The following SLCO3A1 variants were observed in gnomAD, a reference collection of about 807,000 sequenced individuals.
SLCO3A1 encodes the protein solute carrier organic anion transporter family member 3A1, also known as PGE1 transporter.
In SLCO3A1, 27 loss-of-function variants were observed where a neutral mutation model predicts 63.1. That is an observed-to-expected ratio of 0.43 (90% CI 0.32 to 0.59). The LOEUF (loss-of-function observed/expected upper bound fraction) is 0.59, where lower values mean the gene tolerates loss of function less well. SLCO3A1 is among the 20% of genes least tolerant of loss of function. The pLI is 0.09. For missense variants in SLCO3A1, 773 were observed against 945.8 expected (o/e 0.82, Z 2.40); for synonymous variants, 473 against 409.9 (o/e 1.15, Z -1.86).
chr15:91,991,748 A>G (rs12442193), intron 2 of SLCO3A1, among the ~76,000 whole-genome samples: 29,490 of 152,204 alleles, frequency 0.19, 3,416 homozygotes, highest in East Asian at 0.34. Context: ...CTAAACGCAC[A>G]TCTCAATTTA....
chr15:92,143,469 A>AAT lies in SLCO3A1; in HGVS notation c.1513-3502_1513-3501dup, dbSNP rs1324933371. 1.9e-4 allele frequency among the ~76,000 whole-genome samples: 4 copies of AAT among 21,194 alleles called. 2 individuals carry two copies. Among genetic ancestry groups the AAT allele is most frequent in the African/African-American group, 5.8e-4 (2 of 3,476 alleles). 13.9% of individuals were successfully genotyped at this position (21,194 alleles called of 152,430 possible). A position where few individuals can be genotyped will look rare whatever the true frequency, so the allele number is the denominator to read the frequency against. ...ATATATAATATATATAATATATATA[A>AAT]ATATATATATATATTATATATATGT... On this transcript the variant is annotated intron_variant, in intron 7 of 9. Transcript: ENST00000318445.
rs1898047959 is a variant in SLCO3A1, at chr15:91,897,903, T to C, written c.181-18090T>C. 6.6e-6 allele frequency among the ~76,000 whole-genome samples: 1 copy of C among 152,162 alleles called. No homozygotes were observed. Among genetic ancestry groups the C allele is most frequent in the African/African-American group, 2.4e-5 (1 of 41,450 alleles). ...AACTGCAGGGCAGAGCCAGGCGAAG[T>C]TGAGAACAAGAAGGAATCGCTGCTC... On this transcript the variant is annotated intron_variant, in intron 1 of 9. Coordinates refer to ENST00000318445, the MANE Select transcript of SLCO3A1 (RefSeq NM_013272.4). This position sits in a 1 kb window ranked among gnomAD's most constrained non-coding sequence, Gnocchi z 4.7.
chr15:92,093,421 A>G (rs1207460546), intron 2 of SLCO3A1, among the ~76,000 whole-genome samples: 1 of 152,210 alleles, frequency 6.6e-6, no homozygotes, highest in Non-Finnish European at 1.5e-5. Context: ...GTGCTGAGCC[A>G]TTCATAAGGG....
intron 2 of SLCO3A1, among the ~76,000 whole-genome samples, chr15:92,054,380 G>A (rs1182553362): frequency 6.6e-6 from 1 of 152,222 alleles, no homozygotes; most frequent in African/African-American, 2.4e-5. Context: ...TAGCACCACA[G>A]TGAATCTTTA....
Position 92,164,764 on chromosome 15 carries a change from T to C in SLCO3A1, c.*1629T>C, listed in dbSNP as rs78641225. 6.1e-6 allele frequency: 6 copies of C among 985,290 alleles called. No homozygotes were observed. The highest frequency in any genetic ancestry group is 4.8e-6 in the Non-Finnish European group (4 of 829,952). 61.0% of individuals were successfully genotyped at this position (985,290 alleles called of 1,614,324 possible). ...TGAACCTCAGAGAATGAACCTGTTA[T>C]GATTTGGGGTAAGAATCACGTTGGA... On this transcript the variant is annotated 3_prime_UTR_variant, in exon 10 of 10. Transcript: ENST00000318445.
rs2046678170 is a variant in SLCO3A1, at chr15:92,033,245, A to G, written c.647-61636A>G. Among the ~76,000 whole-genome samples the G allele has an allele frequency of 6.6e-6, 1 of 152,208 alleles. No homozygotes were observed. Among genetic ancestry groups the G allele is most frequent in the Admixed American group, 6.5e-5 (1 of 15,276 alleles). ...ATTGATTAGAAAAGAGTCAAGTTGA[A>G]GGAGATTTCTGAGCATATTGTTCCA... On this transcript the variant is annotated intron_variant, in intron 2 of 9. Transcript: ENST00000318445. The surrounding 1 kb of genome is among the most constrained non-coding windows in gnomAD (Gnocchi z 4.5).
At chr15:92,036,304 G>A (rs753022823) in intron 2 of SLCO3A1, among the ~76,000 whole-genome samples, 2 of 151,732 alleles carry the variant, frequency 1.3e-5, no homozygotes, top group African/African-American at 4.8e-5. Context: ...TTGAAGAAGG[G>A]CTGGCAAAAT....
Position 91,859,615 on chromosome 15 carries a change from T to A in SLCO3A1, c.180+5527T>A, listed in dbSNP as rs1006458766. Among the ~76,000 whole-genome samples, 2 of 152,214 alleles carry A rather than the reference T, an allele frequency of 1.3e-5. No homozygotes were observed. The highest frequency in any genetic ancestry group is 2.9e-5 in the Non-Finnish European group (2 of 68,034). On this transcript the variant is annotated intron_variant, in intron 1 of 9. Coordinates refer to ENST00000318445, the MANE Select transcript of SLCO3A1 (RefSeq NM_013272.4). The surrounding 1 kb of genome is among the most constrained non-coding windows in gnomAD (Gnocchi z 5.1). Reference sequence around the variant, plus strand: ...GCCTATGTCCTCCCCTTACCTGCTCTGTGACCTTGAGCTGTTTACTTAATC... The same window carrying A: ...GCCTATGTCCTCCCCTTACCTGCTCAGTGACCTTGAGCTGTTTACTTAATC...
intron 2 of SLCO3A1, among the ~76,000 whole-genome samples, chr15:91,979,151 T>C (rs1280088521): frequency 6.6e-6 from 1 of 152,238 alleles, no homozygotes. Context: ...ACGGGTTTAG[T>C]ACCCCTTAGC....
chr15:92,130,494 G>A (rs1431798451), intron 7 of SLCO3A1, among the ~76,000 whole-genome samples: 1 of 152,240 alleles, frequency 6.6e-6, no homozygotes, highest in Admixed American at 6.5e-5. Context: ...CCCTGCAGAG[G>A]CAGATCTCTA....
At chr15:92,030,520 A>C (rs2046633990) in intron 2 of SLCO3A1, among the ~76,000 whole-genome samples, 3 of 152,196 alleles carry the variant, frequency 2.0e-5, no homozygotes, top group Admixed American at 2.0e-4. Flanking sequence ...TTTTCTGCTG[A>C]TTGAACTCTG....
intron 4 of SLCO3A1, among the ~76,000 whole-genome samples, chr15:92,117,087 T>C (rs147416168): frequency 6.6e-6 from 1 of 152,332 alleles, no homozygotes; most frequent in East Asian, 1.9e-4. Flanking sequence ...TGGAATTATC[T>C]CCAGAATAAT....
chr15:92,080,156 G>A (rs1363262555), intron 2 of SLCO3A1, among the ~76,000 whole-genome samples: 1 of 152,194 alleles, frequency 6.6e-6, no homozygotes, highest in Non-Finnish European at 1.5e-5. Context: ...TCCTCCCCGA[G>A]CATCCTGAAG....
Position 91,859,661 on chromosome 15 carries a change from A to G in SLCO3A1, c.180+5573A>G, listed in dbSNP as rs918331833. ...TAATCTCTGTGTACCTCAATTTTTCATTTTATAACTGGGGTTATAATAGTA... is the reference window on the plus strand; with the variant it reads ...TAATCTCTGTGTACCTCAATTTTTCGTTTTATAACTGGGGTTATAATAGTA... On this transcript the variant is annotated intron_variant, in intron 1 of 9. Coordinates refer to ENST00000318445, the MANE Select transcript of SLCO3A1 (RefSeq NM_013272.4). This position sits in a 1 kb window ranked among gnomAD's most constrained non-coding sequence, Gnocchi z 5.1. Among the ~76,000 whole-genome samples the G allele has an allele frequency of 1.5e-4, 23 of 152,126 alleles. No individual in the cohort carries two copies. Among genetic ancestry groups the G allele is most frequent in the African/African-American group, 5.6e-4 (23 of 41,418 alleles).
At chr15:92,051,603 G>A (rs954840941) in intron 2 of SLCO3A1, among the ~76,000 whole-genome samples, 1 of 152,138 alleles carries the variant, frequency 6.6e-6, no homozygotes, top group Non-Finnish European at 1.5e-5. Flanking sequence ...AGGAGCTTCA[G>A]TTTGGAGTAC....
chr15:92,003,595 G>A (rs920909179), intron 2 of SLCO3A1, among the ~76,000 whole-genome samples: 1 of 152,172 alleles, frequency 6.6e-6, no homozygotes, highest in Non-Finnish European at 1.5e-5. Context: ...GCGTTGATGA[G>A]AAATCCCAGA....
chr15:92,082,582 C>T (rs2047360336), intron 2 of SLCO3A1, among the ~76,000 whole-genome samples: 1 of 152,158 alleles, frequency 6.6e-6, no homozygotes, highest in Non-Finnish European at 1.5e-5. Context: ...CATGCACGCC[C>T]CCATTCTTGG....
intron 2 of SLCO3A1, among the ~76,000 whole-genome samples, chr15:92,070,198 G>A (rs901676096): frequency 2.6e-5 from 4 of 152,202 alleles, no homozygotes; most frequent in East Asian, 1.9e-4. Flanking sequence ...TGGGTTTGAT[G>A]GCACCTCGTA....
intron 2 of SLCO3A1, among the ~76,000 whole-genome samples, chr15:92,006,641 G>A (rs902910309): frequency 6.6e-6 from 1 of 152,108 alleles, no homozygotes; most frequent in African/African-American, 2.4e-5. Flanking sequence ...GGAAAAAAAC[G>A]ACAACAATTT....
Sources: allele counts gnomAD v4.1 joint callset (sites outside exome capture counted in the v4.1 genomes callset), GRCh38; gene constraint gnomAD v4.1.1; non-coding constraint Gnocchi (gnomAD v3.1); transcripts MANE v1.5; gene names NCBI Gene and HGNC (gene_info 2026-07-23, HGNC 2026-07-21).